Variants in TMPRSS2 observed in about 807,000 individuals in gnomAD.
TMPRSS2 encodes transmembrane serine protease 2, also known as transmembrane protease serine 2.
In TMPRSS2, 59 loss-of-function variants were observed where a neutral mutation model predicts 67.4. The observed-to-expected ratio is 0.88, with a 90% CI of 0.71 to 1.09. The LOEUF is 1.09. TMPRSS2 is among the 50% of genes least tolerant of loss of function. TMPRSS2 has a pLI of 0.00. For missense variants in TMPRSS2, 668 were observed against 642.7 expected (o/e 1.04, Z -0.43); for synonymous variants, 257 against 257.0 (o/e 1.00, Z 0.00).
At chr21:41,482,003 G>A (rs2091260793) in intron 5 of TMPRSS2, among the ~76,000 whole-genome samples, 1 of 152,100 alleles carries the variant, frequency 6.6e-6, no homozygotes, top group Non-Finnish European at 1.5e-5. Context: ...AAAGGTTGCA[G>A]TGAGCTGAGA....
At chr21:41,472,087 G>A (rs937260183) in intron 9 of TMPRSS2, 106 bp from the exon 10 acceptor site, 128 of 1,172,708 alleles carry the variant, frequency 1.1e-4, no homozygotes, top group Admixed American at 2.0e-4. Context: ...GAGGCAGGAT[G>A]GTTCACCAAA....
Position 41,465,106 on chromosome 21 carries a change from G to C in TMPRSS2, c.*1036C>G, listed in dbSNP as rs189546747. On this transcript the variant is annotated 3_prime_UTR_variant, in exon 14 of 14. Coordinates refer to ENST00000332149, the MANE Select transcript of TMPRSS2 (RefSeq NM_005656.4). ...CGTTAAGTCAGGAGCCAGTCATTTT[G>C]TCAAAGCAGCTGAAATAGGCCACCA... is the stretch of plus-strand genomic sequence containing the variant. 1.7e-5 allele frequency: 4 copies of C among 233,716 alleles called. No individual in the cohort carries two copies. Among genetic ancestry groups the C allele is most frequent in the Non-Finnish European group, 3.4e-5 (4 of 118,072 alleles). The allele number at this position is 233,716 out of a possible 1,614,324, so 14.5% of individuals were successfully genotyped here. A position where few individuals can be genotyped will look rare whatever the true frequency, so the allele number is the denominator to read the frequency against.
intron 8 of TMPRSS2, 135 bp from the exon 9 acceptor site, chr21:41,473,631 G>A (rs1313647121): frequency 9.4e-6 from 9 of 959,702 alleles, no homozygotes; most frequent in Non-Finnish European, 1.4e-5. Context: ...TGGACTTAGG[G>A]GGCTCCTGGG....
In TMPRSS2 at chr21:41,478,517, C is replaced by T. The variant is rs190906841; in HGVS notation, c.683+655G>A. On this transcript the variant is annotated intron_variant, in intron 7 of 13. Transcript: ENST00000332149. The surrounding 1 kb of genome is among the most constrained non-coding windows in gnomAD (Gnocchi z 4.0). ...GCAAACATCCTAAATATGTGCAAAG[C>T]AAAAGGAAGAGCCTAAGTCCATCCC... Among the ~76,000 whole-genome samples the T allele has an allele frequency of 1.3e-5, 2 of 152,312 alleles. No individual in the cohort carries two copies. Among genetic ancestry groups the T allele is most frequent in the East Asian group, 3.9e-4 (2 of 5,192 alleles).
At chr21:41,497,514 A>G (rs1164865978) in intron 2 of TMPRSS2, among the ~76,000 whole-genome samples, 1 of 152,228 alleles carries the variant, frequency 6.6e-6, no homozygotes. Context: ...ACACAGACCC[A>G]GTAAAAAATG....
intron 11 of TMPRSS2, among the ~76,000 whole-genome samples, chr21:41,469,861 G>A (rs1393695465): frequency 6.6e-6 from 1 of 152,130 alleles, no homozygotes; most frequent in Non-Finnish European, 1.5e-5. Context: ...AGGTGCAGGT[G>A]CGCACAAATA....
intron 8 of TMPRSS2, 29 bp downstream of exon 8, chr21:41,476,548 A>G (rs2091214809): frequency 4.4e-6 from 7 of 1,608,868 alleles, no homozygotes; most frequent in East Asian, 4.5e-5. Flanking sequence ...AGTTAGAAGT[A>G]TCAAAAGGGG....
chr21:41,488,282 T>C, intron 5 of TMPRSS2, 112 bp downstream of exon 5: 1 of 1,254,580 alleles, frequency 8.0e-7, no homozygotes. Flanking sequence ...AATGACATCA[T>C]GTGTCAGCGT....
intron 8 of TMPRSS2, among the ~76,000 whole-genome samples, chr21:41,476,306 A>G (rs913971286): frequency 2.0e-5 from 3 of 152,150 alleles, no homozygotes; most frequent in African/African-American, 7.2e-5. Flanking sequence ...CCTCCAGCTC[A>G]TGGGTGGCAT....
intron 8 of TMPRSS2, among the ~76,000 whole-genome samples, chr21:41,475,521 AGTGAGGGGGTGAAGGGTGAGTGAGGGG>A (rs2091200608): frequency 3.7e-5 from 1 of 27,100 alleles, no homozygotes; most frequent in Non-Finnish European, 6.6e-5. Flanking sequence ...TGAGGTGGTG[AGTGAGGGGGTGAAGGGTGAGTGAGGGG>A]GTGAGGAGGT....
intron 5 of TMPRSS2, among the ~76,000 whole-genome samples, chr21:41,482,262 T>C (rs2091262661): frequency 6.6e-6 from 1 of 152,104 alleles, no homozygotes; most frequent in Admixed American, 6.5e-5. Flanking sequence ...TCTCCCTCCC[T>C]AGAGGTAACC....
At chr21:41,505,421 C>G (rs2091451127) in intron 1 of TMPRSS2, among the ~76,000 whole-genome samples, 1 of 152,208 alleles carries the variant, frequency 6.6e-6, no homozygotes, top group African/African-American at 2.4e-5. Flanking sequence ...GGACAACACA[C>G]TCGGATGATG....
chr21:41,502,210 CA>C (rs1228909536), intron 1 of TMPRSS2, among the ~76,000 whole-genome samples: 11 of 152,208 alleles, frequency 7.2e-5, no homozygotes, highest in Non-Finnish European at 1.5e-4. Flanking sequence ...ACTGCCAAAA[CA>C]AGAATCTTTT....
chr21:41,470,957 C>T (rs1282788904), intron 10 of TMPRSS2, among the ~76,000 whole-genome samples: 1 of 152,214 alleles, frequency 6.6e-6, no homozygotes, highest in Non-Finnish European at 1.5e-5. Flanking sequence ...GAATTATTTG[C>T]TAGCTCTGCT....
chr21:41,479,492 A>G lies in TMPRSS2; in HGVS notation c.573-210T>C, dbSNP rs199575615. On this transcript the variant is annotated intron_variant, in intron 6 of 13. Transcript: ENST00000332149. Reference sequence around the variant, plus strand: ...CTAAAGTGTCAGACAAAATTCCTTCATTGGTCGTGTTTCTTATCCAGGTTA... The same window carrying G: ...CTAAAGTGTCAGACAAAATTCCTTCGTTGGTCGTGTTTCTTATCCAGGTTA... 1.4e-4 allele frequency among the ~76,000 whole-genome samples: 21 copies of G among 152,300 alleles called. No individual in the cohort carries two copies. The East Asian group carries it at 2.5e-3, about 18-fold the overall frequency.
chr21:41,491,605 T>C (rs1485351353), intron 3 of TMPRSS2, among the ~76,000 whole-genome samples: 5 of 152,176 alleles, frequency 3.3e-5, no homozygotes, highest in Admixed American at 6.5e-5. Context: ...CCAGATGCCC[T>C]CTCTGGCCCA....
rs553755767 is a variant in TMPRSS2 at position 41,481,184 on chromosome 21, G to A, written c.446-582C>T. On this transcript the variant is annotated intron_variant, in intron 5 of 13. Coordinates refer to ENST00000332149, the MANE Select transcript of TMPRSS2 (RefSeq NM_005656.4). Reference sequence around the variant, plus strand: ...GCTGAAAGGCGAAAACACTCCAAACGCCCACCAACGGCTGGGTGAGCAGAA... The same window carrying A: ...GCTGAAAGGCGAAAACACTCCAAACACCCACCAACGGCTGGGTGAGCAGAA... 5.3e-5 allele frequency among the ~76,000 whole-genome samples: 8 copies of A among 152,330 alleles called. No homozygotes were observed. The South Asian group carries it at 1.5e-3, about 28-fold the overall frequency.
At chr21:41,483,901 G>A (rs533712240) in intron 5 of TMPRSS2, among the ~76,000 whole-genome samples, 6 of 151,944 alleles carry the variant, frequency 3.9e-5, no homozygotes, top group Non-Finnish European at 8.8e-5. Flanking sequence ...AGGGCAAGGC[G>A]GGAGGATCAC....
chr21:41,492,793 C>T (rs2091347892), intron 3 of TMPRSS2, among the ~76,000 whole-genome samples: 1 of 152,310 alleles, frequency 6.6e-6, no homozygotes, highest in East Asian at 1.9e-4. Context: ...GCCAGGGGTT[C>T]GTCTGCCTTC....
Sources: allele counts gnomAD v4.1 joint callset (sites outside exome capture counted in the v4.1 genomes callset), GRCh38; gene constraint gnomAD v4.1.1; non-coding constraint Gnocchi (gnomAD v3.1); transcripts MANE v1.5; gene names NCBI Gene and HGNC (gene_info 2026-07-23, HGNC 2026-07-21).